The following SHISA9 variants were observed in gnomAD, a reference collection of about 807,000 sequenced individuals.
SHISA9 encodes the protein shisa family member 9, also known as protein shisa-9.
Under a neutral mutation model 38.0 loss-of-function variants are expected in SHISA9, and 13 were observed. The ratio of observed to expected loss-of-function variants is 0.34; its 90% CI spans 0.22 to 0.54. The LOEUF is 0.54. SHISA9 is among the 20% of genes least tolerant of loss of function. SHISA9 has a pLI of 0.91. For synonymous variants in SHISA9, 275 were observed against 242.0 expected (o/e 1.14, Z -1.27); for missense variants, 538 against 575.8 (o/e 0.93, Z 0.67).
intron 1 of SHISA9, among the ~76,000 whole-genome samples, chr16:12,905,758 A>AT (rs2071084401): frequency 1.3e-5 from 2 of 151,812 alleles, no homozygotes; most frequent in Non-Finnish European, 2.9e-5. Flanking sequence ...CACCTGGCTA[A>AT]TTTTTTTGAA....
At chr16:13,108,407 G>T (rs1256710893) in intron 2 of SHISA9, among the ~76,000 whole-genome samples, 3 of 152,160 alleles carry the variant, frequency 2.0e-5, no homozygotes, top group African/African-American at 7.2e-5. Flanking sequence ...TGGGACTGCA[G>T]GCAGGCACCA....
the SHISA9 span, among the ~76,000 whole-genome samples, chr16:13,348,260 C>G: frequency 2.6e-5 from 4 of 152,068 alleles, no homozygotes; most frequent in Non-Finnish European, 4.4e-5. Context: ...GTCGGCATCT[C>G]TAATCCAAAA....
At chr16:12,953,873 A>G (rs1007330689) in intron 2 of SHISA9, among the ~76,000 whole-genome samples, 3 of 152,200 alleles carry the variant, frequency 2.0e-5, no homozygotes, top group Non-Finnish European at 4.4e-5. Flanking sequence ...TAGGAGAGAA[A>G]GAGTGAGCTA....
chr16:13,039,422 G>T (rs1028580524), intron 2 of SHISA9, among the ~76,000 whole-genome samples: 11 of 151,268 alleles, frequency 7.3e-5, no homozygotes, highest in Non-Finnish European at 1.5e-4. Context: ...TCTTTCCATG[G>T]TCTCATCCCC....
At chr16:13,437,824 C>G in the SHISA9 span, among the ~76,000 whole-genome samples, 1 of 115,496 alleles carries the variant, frequency 8.7e-6, no homozygotes, top group Admixed American at 1.1e-4. Context: ...AGTGGTGGAT[C>G]TAAGAGAAGG....
intron 2 of SHISA9, among the ~76,000 whole-genome samples, chr16:13,140,863 T>C (rs527566110): frequency 1.3e-5 from 2 of 152,170 alleles, no homozygotes; most frequent in South Asian, 4.1e-4. Flanking sequence ...AGTATGAGAC[T>C]GGATGTACAA....
intron 2 of SHISA9, among the ~76,000 whole-genome samples, chr16:13,125,042 G>T (rs2141981383): frequency 6.6e-6 from 1 of 152,186 alleles, no homozygotes; most frequent in African/African-American, 2.4e-5. Context: ...ACAATCTCCA[G>T]GACGTTGAAG....
At chr16:12,914,952 G>A (rs1470420732) in intron 1 of SHISA9, among the ~76,000 whole-genome samples, 1 of 152,194 alleles carries the variant, frequency 6.6e-6, no homozygotes, top group Non-Finnish European at 1.5e-5. Context: ...GCTGTAGTAC[G>A]GTAAGTTCCA....
intron 2 of SHISA9, among the ~76,000 whole-genome samples, chr16:13,191,066 T>A (rs1328101819): frequency 1.3e-5 from 2 of 152,220 alleles, no homozygotes; most frequent in African/African-American, 4.8e-5. Flanking sequence ...ATTGGATACT[T>A]CTTTTTTCCT....
At chr16:13,224,877 GA>G (rs2051263850) in intron 4 of SHISA9, among the ~76,000 whole-genome samples, 1 of 152,162 alleles carries the variant, frequency 6.6e-6, no homozygotes, top group Non-Finnish European at 1.5e-5. Context: ...AAGGTCCTGA[GA>G]TGGTGACAAG....
chr16:13,347,839 A>ACCCCC, the SHISA9 span, among the ~76,000 whole-genome samples: 12 of 68,142 alleles, frequency 1.8e-4, no homozygotes, highest in African/African-American at 3.7e-4. Flanking sequence ...AGAATAACGT[A>ACCCCC]CCCCCCCACA....
At chr16:13,467,701 T>C in the SHISA9 span, among the ~76,000 whole-genome samples, 2 of 152,232 alleles carry the variant, frequency 1.3e-5, no homozygotes, top group South Asian at 4.1e-4. Flanking sequence ...TTCTCCAGAA[T>C]TGCCTGTTGG....
chr16:13,162,485 A>G (rs1479105273), intron 2 of SHISA9, among the ~76,000 whole-genome samples: 1 of 152,228 alleles, frequency 6.6e-6, no homozygotes, highest in Non-Finnish European at 1.5e-5. Context: ...TGCGCTGAGC[A>G]TACAGTACAT....
chr16:13,127,101 G>A (rs1410295257), intron 2 of SHISA9, among the ~76,000 whole-genome samples: 2 of 145,920 alleles, frequency 1.4e-5, no homozygotes, highest in Non-Finnish European at 1.5e-5. Context: ...GAAGGAAAGA[G>A]AGAGAGACTG....
chr16:13,168,778 G>A (rs1476602592), intron 2 of SHISA9, among the ~76,000 whole-genome samples: 1 of 152,152 alleles, frequency 6.6e-6, no homozygotes, highest in Admixed American at 6.5e-5. Flanking sequence ...CATTATTCAC[G>A]TTCCACTTGC....
the SHISA9 span, among the ~76,000 whole-genome samples, chr16:13,454,247 T>G: frequency 0.024 from 3,691 of 152,172 alleles, 153 homozygotes; most frequent in East Asian, 0.21. Flanking sequence ...TTTCGGAACA[T>G]GAAGGAGATA....
intron 2 of SHISA9, among the ~76,000 whole-genome samples, chr16:13,053,514 C>T (rs2073276088): frequency 1.3e-5 from 2 of 152,212 alleles, no homozygotes; most frequent in South Asian, 2.1e-4. Context: ...CAGATTATAT[C>T]ATTCAATTAT....
intron 2 of SHISA9, among the ~76,000 whole-genome samples, chr16:12,945,812 A>G (rs1428668954): frequency 6.6e-6 from 1 of 152,266 alleles, no homozygotes; most frequent in Non-Finnish European, 1.5e-5. Context: ...GAATGAGAAT[A>G]TGGCCAGGTG....
chr16:13,254,420 T>G, the SHISA9 span, among the ~76,000 whole-genome samples: 1 of 152,222 alleles, frequency 6.6e-6, no homozygotes, highest in African/African-American at 2.4e-5. Context: ...CCGGAGGGTT[T>G]GTTACGAGTT....
Sources: allele counts gnomAD v4.1 joint callset (sites outside exome capture counted in the v4.1 genomes callset), GRCh38; gene constraint gnomAD v4.1.1; transcripts MANE v1.5; gene names NCBI Gene and HGNC (gene_info 2026-07-23, HGNC 2026-07-21).